Variants in PNPLA6 observed in about 807,000 individuals in gnomAD.
The protein encoded by PNPLA6 is patatin like domain 6, lysophospholipase, also known as patatin-like phospholipase domain-containing protein 6.
A neutral mutation model predicts 153.7 loss-of-function variants in PNPLA6; 105 were observed. The ratio of observed to expected loss-of-function variants is 0.68; its 90% CI spans 0.58 to 0.80. The LOEUF is 0.80. PNPLA6 is among the 30% of genes least tolerant of loss of function. The pLI is 0.00. For missense variants in PNPLA6, 1,423 were observed against 1,919.3 expected, an observed-to-expected ratio of 0.74 and a Z score of 4.83; for synonymous variants, 825 against 822.2, an observed-to-expected ratio of 1.00 and a Z score of -0.06.
rs553900752 is a variant in PNPLA6 at position 7,544,272 on chromosome 19, T to C, written c.1608+1188T>C. Among the ~76,000 whole-genome samples the C allele has an allele frequency of 3.3e-5, 5 of 152,170 alleles. No individual in the cohort carries two copies. The East Asian group carries it at 9.7e-4, about 29-fold the overall frequency. Reference sequence around the variant, plus strand: ...GATTACAGGGTTGTGCCACCACGCCTGGCTACTTTTTATATTTTTAGTAGA... The same window carrying C: ...GATTACAGGGTTGTGCCACCACGCCCGGCTACTTTTTATATTTTTAGTAGA... On this transcript the variant is annotated intron_variant, in intron 13 of 31. Coordinates refer to ENST00000600737, the MANE Select transcript of PNPLA6 (RefSeq NM_001166114.2).
chr19:7,546,642 G>C (rs2023398583), intron 13 of PNPLA6, among the ~76,000 whole-genome samples: 1 of 152,016 alleles, frequency 6.6e-6, no homozygotes, highest in African/African-American at 2.4e-5. Flanking sequence ...CTCCTGACCT[G>C]AGGTGATCCG....
rs2023860564 is a variant in PNPLA6 at position 7,555,950 on chromosome 19, C to T, written c.3093+187C>T. Among the ~76,000 whole-genome samples, 2 of 152,026 alleles carry T rather than the reference C, an allele frequency of 1.3e-5. No individual in the cohort carries two copies. The highest frequency in any genetic ancestry group is 4.1e-4 in the South Asian group (2 of 4,822). The stretch of plus-strand genomic sequence containing the variant: ...ACTCTGGGTAACCACTTTGGGACCT[C>T]CTGTCTACTGACCCTAACCCATAAC... On this transcript the variant is annotated intron_variant, in intron 24 of 31. Transcript: ENST00000600737. The surrounding 1 kb of genome is among the most constrained non-coding windows in gnomAD (Gnocchi z 6.3).
At chr19:7,535,123 G>T (rs1409060415), upstream of PNPLA6, 10 of 343,056 alleles carry the variant, frequency 2.9e-5, no homozygotes, top group Non-Finnish European at 4.5e-5. The surrounding 1 kb of genome is among the most constrained non-coding windows in gnomAD (Gnocchi z 5.0). Context: ...GATCAACCCT[G>T]CAGAGGGCAG....
At chr19:7,556,043 C>CTAAGTGTT (rs1432906134) in intron 24 of PNPLA6, among the ~76,000 whole-genome samples, 1 of 146,620 alleles carries the variant, frequency 6.8e-6, no homozygotes, top group Non-Finnish European at 1.5e-5. Flanking sequence ...CACATCATCC[C>CTAAGTGTT]TAAGTGTTCC....
rs146421269 is a variant in PNPLA6 at position 7,535,954 on chromosome 19, G to T, written c.166G>T (p.Ala56Ser). 4.4e-6 allele frequency: 7 copies of T among 1,588,864 alleles called. No homozygotes were observed. In the African/African-American group the frequency reaches 6.7e-5, roughly 15 times the overall value. Residue 56 changes from alanine (A) to serine (S), a missense_variant, in exon 1 of 32, where the codon GCC (alanine) becomes TCC (serine). By Grantham distance (99) the Ala-to-Ser change is moderately conservative. This residue lies in a region of PNPLA6 where 109 missense variants were observed against 109.4 expected (regional missense o/e 1.00). Coordinates refer to ENST00000600737, the MANE Select transcript of PNPLA6 (RefSeq NM_001166114.2). This position sits in a 1 kb window ranked among gnomAD's most constrained non-coding sequence, Gnocchi z 5.0. Reference protein sequence around the residue: ...VPQVLGVMIGAGVAVVVTAVL... With the variant: ...VPQVLGVMIGSGVAVVVTAVL... ...TCAGGTGCTTGGCGTGATGATCGGG[G>T]CCGGAGTGGCGGTGGTGGTCACGGC...
rs1227244426 is a variant in PNPLA6, at chr19:7,547,823, T to TAAAAA, written c.1609-2084_1609-2083insAAAAA. 9.3e-4 allele frequency among the ~76,000 whole-genome samples: 93 copies of TAAAAA among 99,520 alleles called. 3 individuals are homozygous for TAAAAA. Among genetic ancestry groups the TAAAAA allele is most frequent in the African/African-American group, 4.1e-3 (72 of 17,554 alleles). The allele number at this position is 99,520 out of a possible 152,430, so 65.3% of individuals were successfully genotyped here. On this transcript the variant is annotated intron_variant, in intron 13 of 31. Transcript: ENST00000600737. ...TGGCTAATTAAAAATTTTTTTTTTT[T>TAAAAA]TTTTTTTTTTTTTTTTTTTTGTAGA...
chr19:7,559,571 G>T (rs2024019535), intron 28 of PNPLA6, among the ~76,000 whole-genome samples: 1 of 152,168 alleles, frequency 6.6e-6, no homozygotes, highest in Admixed American at 6.6e-5. Flanking sequence ...AGGCATGGTG[G>T]CTCATGCTTG....
chr19:7,550,117 G>A lies in PNPLA6; in HGVS notation c.1814+5G>A, dbSNP rs1344637166. 1.9e-6 allele frequency: 3 copies of A among 1,613,972 alleles called. No individual in the cohort carries two copies. The highest frequency in any genetic ancestry group is 2.5e-6 in the Non-Finnish European group (3 of 1,180,018). Reference sequence around the variant, plus strand: ...CTCCAAGTCCGACTTCTATGAGTATGACAGCCCGAAGTTGGAGTGTGGGTG... The same window carrying A: ...CTCCAAGTCCGACTTCTATGAGTATAACAGCCCGAAGTTGGAGTGTGGGTG... On this transcript the variant is annotated splice_donor_5th_base_variant and intron_variant, in intron 14 of 31. Coordinates refer to ENST00000600737, the MANE Select transcript of PNPLA6 (RefSeq NM_001166114.2).
Position 7,554,960 on chromosome 19 carries a change from A to G in PNPLA6, c.2702A>G (p.Glu901Gly). The G allele has an allele frequency of 6.3e-7, 1 of 1,589,824 alleles. No individual in the cohort carries two copies. The highest frequency in any genetic ancestry group is 8.5e-7 in the Non-Finnish European group (1 of 1,174,952). Reference sequence around the variant, plus strand: ...CAGCTAGTCCTGCTCCACCGAGAGGAGGGCGCGGGCCCCACGCGCACCGTG... The same window carrying G: ...CAGCTAGTCCTGCTCCACCGAGAGGGGGGCGCGGGCCCCACGCGCACCGTG... ...LKQLVLLHRE[E>G]GAGPTRTVEW... Residue 901 changes from glutamate to glycine, a missense_variant, in exon 22 of 32, where the codon GAG becomes GGG. Transcript: ENST00000600737.
chr19:7,558,819 G>A (rs1357291877), intron 27 of PNPLA6, 31 bp from the exon 28 acceptor site: 1 of 1,583,700 alleles, frequency 6.3e-7, no homozygotes, highest in Non-Finnish European at 8.6e-7. Context: ...CCCCCGAGGG[G>A]AGCAGCCCGC....
chr19:7,537,540 G>A (rs547946450), intron 3 of PNPLA6, among the ~76,000 whole-genome samples: 132 of 152,316 alleles, frequency 8.7e-4, no homozygotes, highest in South Asian at 1.7e-3. Context: ...ATCCCTGTGC[G>A]TCATGTAGTC....
intron 28 of PNPLA6, among the ~76,000 whole-genome samples, chr19:7,559,632 A>C (rs1480487117): frequency 6.6e-6 from 1 of 151,396 alleles, no homozygotes. Flanking sequence ...TGAAACCAGG[A>C]GTTCAAGACC....
Position 7,556,465 on chromosome 19 carries a change from G to A in PNPLA6, c.3106G>A (p.Val1036Met). 1 of 1,611,538 alleles carries A rather than the reference G, an allele frequency of 6.2e-7. No individual in the cohort carries two copies. The highest frequency in any genetic ancestry group is 8.5e-7 in the Non-Finnish European group (1 of 1,177,728). Residue 1036 changes from valine to methionine, a missense_variant, in exon 25 of 32, where the codon GTG (valine) becomes ATG (methionine). Coordinates refer to ENST00000600737, the MANE Select transcript of PNPLA6 (RefSeq NM_001166114.2). ...AREWAKSMTSVLEPVLDLTYP... is the reference protein window; with the variant it reads ...AREWAKSMTSMLEPVLDLTYP... ...CCCTTGTCCCTAGAGCATGACTTCG[G>A]TGCTGGAACCTGTGTTGGACCTCAC...
intron 27 of PNPLA6, among the ~76,000 whole-genome samples, chr19:7,558,432 G>C (rs1239397820): frequency 6.6e-6 from 1 of 152,182 alleles, no homozygotes; most frequent in Non-Finnish European, 1.5e-5. Flanking sequence ...AGGAATTCGA[G>C]GCCAGCCTGG....
rs1229319700 is a variant in PNPLA6 at position 7,555,912 on chromosome 19, A to C, written c.3093+149A>C. On this transcript the variant is annotated intron_variant, in intron 24 of 31. Transcript: ENST00000600737. This position sits in a 1 kb window ranked among gnomAD's most constrained non-coding sequence, Gnocchi z 6.3. ...TCCCCAGCTGTCCGGACTTTTATAG[A>C]TAAGCTTCTAGGACTCTGGGTAACC... is the stretch of plus-strand genomic sequence containing the variant. 4.6e-6 allele frequency: 4 copies of C among 861,736 alleles called. 1 individual carries two copies. The highest frequency in any genetic ancestry group is 3.0e-5 in the South Asian group (2 of 67,496). 53.4% of individuals were successfully genotyped at this position (861,736 alleles called of 1,614,324 possible).
In PNPLA6 at chr19:7,555,549, G is replaced by A. The variant is rs111997517; in HGVS notation, c.2937-58G>A. ...GTGCGGGAGGTGGGAGGAGGTAGGG[G>A]CAGGGGAGTTCCTGCAGGTGGGGCC... On this transcript the variant is annotated intron_variant, in intron 23 of 31. Coordinates refer to ENST00000600737, the MANE Select transcript of PNPLA6 (RefSeq NM_001166114.2). The surrounding 1 kb of genome is among the most constrained non-coding windows in gnomAD (Gnocchi z 6.3). 6.3e-7 allele frequency: 1 copy of A among 1,586,012 alleles called. No homozygotes were observed. The highest frequency in any genetic ancestry group is 1.7e-5 in the Admixed American group (1 of 58,434).
At chr19:7,536,787 C>T (rs1162095320) in intron 3 of PNPLA6, among the ~76,000 whole-genome samples, 2 of 151,984 alleles carry the variant, frequency 1.3e-5, no homozygotes, top group Non-Finnish European at 2.9e-5. Context: ...ATTAGCTGGG[C>T]GTGGTGGCAT....
chr19:7,540,969 A>T lies in PNPLA6; in HGVS notation c.842A>T (p.Asp281Val). 1 of 1,610,794 alleles carries T rather than the reference A, an allele frequency of 6.2e-7. No homozygotes were observed. Among genetic ancestry groups the T allele is most frequent in the Non-Finnish European group, 8.5e-7 (1 of 1,179,216 alleles). ...QRTVSARAARDSTVLRLPVEA... is the reference protein window; with the variant it reads ...QRTVSARAARVSTVLRLPVEA... Reference sequence around the variant, plus strand: ...ACCGTGTCTGCCCGGGCGGCCCGGGACTCCACGGTGCTGCGCCTGCCGGTG... The same window carrying T: ...ACCGTGTCTGCCCGGGCGGCCCGGGTCTCCACGGTGCTGCGCCTGCCGGTG... Residue 281 changes from aspartate (D) to valine (V), a missense_variant, in exon 7 of 32, where the codon GAC becomes GTC. This residue lies in a region of PNPLA6 where 118 missense variants were observed against 158.8 expected (regional missense o/e 0.74). Coordinates refer to ENST00000600737, the MANE Select transcript of PNPLA6 (RefSeq NM_001166114.2). This position sits in a 1 kb window ranked among gnomAD's most constrained non-coding sequence, Gnocchi z 6.8.
chr19:7,554,866 G>A, intron 21 of PNPLA6, 27 bp from the exon 22 acceptor site: 1 of 1,572,626 alleles, frequency 6.4e-7, no homozygotes, highest in Non-Finnish European at 8.6e-7. Context: ...GGGGCGGCTG[G>A]TGACCTCAGC....
Sources: allele counts gnomAD v4.1 joint callset (sites outside exome capture counted in the v4.1 genomes callset), GRCh38; gene constraint gnomAD v4.1.1; regional missense constraint gnomAD v4.1.1; non-coding constraint Gnocchi (gnomAD v3.1); transcripts MANE v1.5; gene names NCBI Gene and HGNC (gene_info 2026-07-23, HGNC 2026-07-21).